NR2F1-AS1: variants seen among roughly 807,000 people sequenced by gnomAD.
NR2F1-AS1 encodes the protein NR2F1 regulatory antisense RNA 1, also known as NR2F1 antisense RNA 1.
In NR2F1-AS1 at chr5:93,420,620, G is replaced by A. The variant is rs76903603; in HGVS notation, n.639-25078C>T. On this transcript the variant is annotated intron_variant and non_coding_transcript_variant, in intron 4 of 5. Coordinates refer to ENST00000660523, the Ensembl canonical transcript of NR2F1-AS1. ...AAGAGGCCAACAAAATGTCAAAGGT[G>A]GAAAATGGAAGAGACAAAATAATTT... Among the ~76,000 whole-genome samples, 522 of 152,192 alleles carry A rather than the reference G, an allele frequency of 3.4e-3. 1 individual carries two copies. The highest frequency in any genetic ancestry group is 0.012 in the African/African-American group (496 of 41,530).
intron 4 of NR2F1-AS1, among the ~76,000 whole-genome samples, chr5:93,443,511 A>G (rs1749622001): frequency 6.6e-6 from 1 of 152,196 alleles, no homozygotes; most frequent in South Asian, 2.1e-4. Flanking sequence ...AAAAGAGTAA[A>G]AAGAAAAGAA....
chr5:93,547,829 C>G (rs1417693567), intron 4 of NR2F1-AS1, among the ~76,000 whole-genome samples: 1 of 152,064 alleles, frequency 6.6e-6, no homozygotes, highest in Non-Finnish European at 1.5e-5. Flanking sequence ...AATAGGCATA[C>G]CAATGTAATG....
At chr5:93,499,872 T>G (rs1016290187) in intron 4 of NR2F1-AS1, among the ~76,000 whole-genome samples, 1 of 152,218 alleles carries the variant, frequency 6.6e-6, no homozygotes, top group Non-Finnish European at 1.5e-5. Flanking sequence ...GGGGCCTGGA[T>G]AGAAGATCAA....
chr5:93,421,493 G>GC (rs1295648776), intron 4 of NR2F1-AS1, among the ~76,000 whole-genome samples: 1 of 152,202 alleles, frequency 6.6e-6, no homozygotes, highest in South Asian at 2.1e-4. Flanking sequence ...ACAACCAGCT[G>GC]CCCCCTCTTC....
At chr5:93,471,194 G>A (rs916630748) in intron 4 of NR2F1-AS1, among the ~76,000 whole-genome samples, 4 of 151,834 alleles carry the variant, frequency 2.6e-5, no homozygotes, top group African/African-American at 7.2e-5. Context: ...TAGCCAAACT[G>A]TATATTCAAA....
intron 1 of NR2F1-AS1, chr5:93,570,477 G>A (rs1430501494): frequency 1.3e-5 from 2 of 152,314 alleles, no homozygotes; most frequent in Non-Finnish European, 2.9e-5. Flanking sequence ...AACCTTAAAA[G>A]ATTGGCGGGG....
chr5:93,412,871 C>T (rs1748888020), intron 4 of NR2F1-AS1, among the ~76,000 whole-genome samples: 1 of 152,142 alleles, frequency 6.6e-6, no homozygotes, highest in African/African-American at 2.4e-5. Flanking sequence ...CAGGTACCAA[C>T]ACCTTCCCTG....
upstream of NR2F1-AS1, chr5:93,581,419 C>G (rs573342609): frequency 6.6e-6 from 1 of 152,174 alleles, no homozygotes; most frequent in African/African-American, 2.4e-5. Flanking sequence ...TCCCCCAGTA[C>G]GATCTTTCAA....
intron 4 of NR2F1-AS1, among the ~76,000 whole-genome samples, chr5:93,504,792 C>T (rs991558100): frequency 3.3e-5 from 5 of 151,992 alleles, no homozygotes; most frequent in Non-Finnish European, 5.9e-5. Flanking sequence ...CCCCCTGGGT[C>T]CCTCCCACAA....
intron 4 of NR2F1-AS1, among the ~76,000 whole-genome samples, chr5:93,503,498 A>G (rs1183852041): frequency 6.6e-6 from 1 of 152,222 alleles, no homozygotes; most frequent in Non-Finnish European, 1.5e-5. Flanking sequence ...AGTTTTTTAG[A>G]ACAAACTGTT....
chr5:93,509,443 T>A (rs1580288162), intron 4 of NR2F1-AS1, among the ~76,000 whole-genome samples: 1 of 152,070 alleles, frequency 6.6e-6, no homozygotes, highest in East Asian at 1.9e-4. Flanking sequence ...AATAGCCACA[T>A]GTGGCTATAG....
intron 4 of NR2F1-AS1, among the ~76,000 whole-genome samples, chr5:93,530,620 C>T (rs1751716669): frequency 6.6e-6 from 1 of 152,168 alleles, no homozygotes; most frequent in African/African-American, 2.4e-5. Flanking sequence ...GTGCTAACTG[C>T]CCCCTCTTAA....
At chr5:93,493,572 G>A (rs1391882149) in intron 4 of NR2F1-AS1, among the ~76,000 whole-genome samples, 3 of 152,006 alleles carry the variant, frequency 2.0e-5, no homozygotes, top group Non-Finnish European at 4.4e-5. Flanking sequence ...ATGGTTGGAA[G>A]ACTCAAAATT....
chr5:93,558,941 G>A, intron 2 of NR2F1-AS1, among the ~76,000 whole-genome samples: 1 of 152,132 alleles, frequency 6.6e-6, no homozygotes, highest in South Asian at 2.1e-4. Flanking sequence ...ATTCTTAAAG[G>A]CCCTAGGATT....
intron 4 of NR2F1-AS1, among the ~76,000 whole-genome samples, chr5:93,439,319 G>A (rs188295781): frequency 2.5e-3 from 381 of 151,896 alleles, no homozygotes; most frequent in Admixed American, 8.1e-3. Flanking sequence ...TTTTTGAGAC[G>A]GAGTCTCGCT....
chr5:93,433,281 T>C (rs1464197997), intron 4 of NR2F1-AS1, among the ~76,000 whole-genome samples: 2 of 152,220 alleles, frequency 1.3e-5, no homozygotes, highest in African/African-American at 4.8e-5. Context: ...AGAATTCCCT[T>C]GTAGCCAGCC....
intron 4 of NR2F1-AS1, among the ~76,000 whole-genome samples, chr5:93,513,524 G>C (rs1436051689): frequency 6.6e-6 from 1 of 152,076 alleles, no homozygotes; most frequent in Non-Finnish European, 1.5e-5. Flanking sequence ...CAACATGGAG[G>C]TCATTATCCC....
At chr5:93,485,759 C>A (rs903867525) in intron 4 of NR2F1-AS1, among the ~76,000 whole-genome samples, 1 of 151,886 alleles carries the variant, frequency 6.6e-6, no homozygotes, top group African/African-American at 2.4e-5. Context: ...CATCCCATTA[C>A]TGGGTATATA....
intron 4 of NR2F1-AS1, among the ~76,000 whole-genome samples, chr5:93,464,152 T>C (rs1381947111): frequency 6.6e-6 from 1 of 152,126 alleles, no homozygotes; most frequent in Non-Finnish European, 1.5e-5. Flanking sequence ...TAGGGGGTGA[T>C]TGAATTATGG....
Sources: allele counts gnomAD v4.1 joint callset (sites outside exome capture counted in the v4.1 genomes callset), GRCh38; gene constraint gnomAD v4.1.1; transcripts MANE v1.5; gene names NCBI Gene and HGNC (gene_info 2026-07-23, HGNC 2026-07-21).